The following AUH variants were observed in gnomAD, a reference collection of about 807,000 sequenced individuals.
The protein encoded by AUH is methylglutaconyl-CoA hydratase, mitochondrial.
AUH carries 29 observed loss-of-function variants against 42.3 expected under a neutral mutation model. The observed-to-expected ratio is 0.69, with a 90% CI of 0.51 to 0.93. AUH has a LOEUF of 0.93. Among genes scored for constraint, AUH ranks in the 40% least tolerant of loss-of-function variants. The pLI, the probability that AUH is intolerant of heterozygous loss-of-function variation, is 0.00. For missense variants in AUH, 452 were observed against 438.1 expected (o/e 1.03, Z -0.28); for synonymous variants, 174 against 166.4 (o/e 1.05, Z -0.35).
intron 3 of AUH, among the ~76,000 whole-genome samples, chr9:91,333,987 T>C (rs372034928): frequency 6.6e-6 from 1 of 152,200 alleles, no homozygotes. Context: ...AACCTCCAGT[T>C]CAGCCTGAAG....
intron 6 of AUH, among the ~76,000 whole-genome samples, chr9:91,251,368 A>G (rs573056058): frequency 7.9e-5 from 12 of 152,296 alleles, no homozygotes; most frequent in Non-Finnish European, 1.6e-4. Context: ...GTCTTTCTAT[A>G]ATGCAGAGGC....
intron 3 of AUH, among the ~76,000 whole-genome samples, chr9:91,352,207 G>A (rs538375440): frequency 4.7e-4 from 72 of 152,116 alleles, no homozygotes; most frequent in Non-Finnish European, 3.1e-4. Context: ...CACTGGAGGC[G>A]GAAGTTGCAG....
chr9:91,348,095 T>C (rs1437205334), intron 3 of AUH, among the ~76,000 whole-genome samples: 2 of 151,716 alleles, frequency 1.3e-5, no homozygotes, highest in African/African-American at 4.8e-5. Flanking sequence ...AAAAAAACCT[T>C]ACAACTCAAT....
intron 6 of AUH, among the ~76,000 whole-genome samples, chr9:91,250,175 G>A (rs971096826): frequency 1.2e-4 from 18 of 152,096 alleles, no homozygotes; most frequent in African/African-American, 4.1e-4. Context: ...CTGGAGTCCC[G>A]GAGGTCTGAG....
intron 4 of AUH, among the ~76,000 whole-genome samples, chr9:91,311,332 T>C (rs1009417544): frequency 1.3e-5 from 2 of 152,206 alleles, no homozygotes; most frequent in African/African-American, 4.8e-5. Flanking sequence ...TCAATTCAGC[T>C]TTGCATTTAC....
chr9:91,360,153 T>C (rs1587939446), intron 1 of AUH: 1 of 152,362 alleles, frequency 6.6e-6, no homozygotes, highest in African/African-American at 2.4e-5. Context: ...TTTAATTGCA[T>C]TCAAGTCATA....
intron 3 of AUH, among the ~76,000 whole-genome samples, chr9:91,348,295 T>C (rs1290266020): frequency 6.6e-6 from 1 of 152,214 alleles, no homozygotes; most frequent in Non-Finnish European, 1.5e-5. Context: ...CGCCTGAAAC[T>C]CTCATCCGTT....
intron 3 of AUH, among the ~76,000 whole-genome samples, chr9:91,352,326 C>T (rs1246661241): frequency 1.3e-5 from 2 of 151,898 alleles, no homozygotes; most frequent in East Asian, 3.9e-4. Flanking sequence ...ATGCAGGCTA[C>T]TGTTAACCAA....
intron 6 of AUH, among the ~76,000 whole-genome samples, chr9:91,266,601 G>T (rs1218685649): frequency 6.6e-6 from 1 of 152,144 alleles, no homozygotes; most frequent in Non-Finnish European, 1.5e-5. Flanking sequence ...GAAACCAGTT[G>T]ATAAAAATGA....
intron 3 of AUH, among the ~76,000 whole-genome samples, chr9:91,329,421 CT>C: frequency 6.6e-6 from 1 of 152,160 alleles, no homozygotes; most frequent in East Asian, 1.9e-4. Flanking sequence ...AATTGTCTGT[CT>C]TTTTTATTAT....
At chr9:91,290,943 C>G (rs1826824162) in intron 6 of AUH, among the ~76,000 whole-genome samples, 1 of 152,160 alleles carries the variant, frequency 6.6e-6, no homozygotes, top group African/African-American at 2.4e-5. Flanking sequence ...TGCCATAAAC[C>G]TGGTACCTCT....
intron 7 of AUH, chr9:91,218,798 C>T (rs985088680): frequency 1.0e-6 from 1 of 984,874 alleles, no homozygotes; most frequent in African/African-American, 1.7e-5. Flanking sequence ...TTTCAGTTAT[C>T]TGGAGGACTA....
chr9:91,252,240 C>T (rs921735423), intron 6 of AUH, among the ~76,000 whole-genome samples: 2 of 151,908 alleles, frequency 1.3e-5, no homozygotes, highest in Non-Finnish European at 2.9e-5. Flanking sequence ...GCTGGGAATA[C>T]GGACTTGAGC....
rs114014859 is a variant in AUH, at chr9:91,359,530, T to C, written c.262+2098A>G. On this transcript the variant is annotated intron_variant, in intron 1 of 9. Coordinates refer to ENST00000375731, the MANE Select transcript of AUH (RefSeq NM_001698.3). ...AGACTGGAGTGCAGTGGCTCCATCA[T>C]AGCTCACTGCAGCCTCAAAGTCCTG... Among the ~76,000 whole-genome samples, 753 of 152,132 alleles carry C rather than the reference T, an allele frequency of 4.9e-3. 7 individuals are homozygous for C. The highest frequency in any genetic ancestry group is 0.017 in the African/African-American group (713 of 41,500).
chr9:91,231,812 G>C (rs1236161338), intron 6 of AUH, among the ~76,000 whole-genome samples: 1 of 152,070 alleles, frequency 6.6e-6, no homozygotes, highest in Admixed American at 6.5e-5. Flanking sequence ...TATATACTCA[G>C]GGATTACGAC....
intron 6 of AUH, among the ~76,000 whole-genome samples, chr9:91,280,236 ACT>A (rs1369548026): frequency 3.3e-5 from 5 of 152,186 alleles, no homozygotes; most frequent in African/African-American, 7.2e-5. Context: ...CTATTTAATG[ACT>A]CTGAGAAAAA....
At chr9:91,358,344 C>G (rs1243840436) in intron 1 of AUH, among the ~76,000 whole-genome samples, 1 of 152,154 alleles carries the variant, frequency 6.6e-6, no homozygotes, top group Non-Finnish European at 1.5e-5. Flanking sequence ...CAAGTTGATA[C>G]AACGTCCAAG....
intron 4 of AUH, among the ~76,000 whole-genome samples, chr9:91,317,768 T>C (rs1829266517): frequency 6.6e-6 from 1 of 152,246 alleles, no homozygotes; most frequent in Non-Finnish European, 1.5e-5. Context: ...AAGAAAGAGA[T>C]ACCTTTCGTC....
chr9:91,340,305 T>C (rs910341698), intron 3 of AUH, among the ~76,000 whole-genome samples: 2 of 152,216 alleles, frequency 1.3e-5, no homozygotes, highest in African/African-American at 4.8e-5. Context: ...TGACAGTTAT[T>C]TCACATAATT....
Sources: allele counts gnomAD v4.1 joint callset (sites outside exome capture counted in the v4.1 genomes callset), GRCh38; gene constraint gnomAD v4.1.1; transcripts MANE v1.5; gene names NCBI Gene and HGNC (gene_info 2026-07-23, HGNC 2026-07-21).